GATAD2A: variants seen among roughly 807,000 people sequenced by gnomAD.
The protein encoded by GATAD2A is transcriptional repressor p66-alpha.
A neutral mutation model predicts 68.5 loss-of-function variants in GATAD2A; 12 were observed. The observed-to-expected ratio is 0.18, with a 90% confidence interval of 0.11 to 0.28. The LOEUF (loss-of-function observed/expected upper bound fraction) is 0.28, where lower values mean the gene tolerates loss of function less well. Among genes scored for constraint, GATAD2A ranks in the 10% least tolerant of loss-of-function variants. The pLI, the probability that GATAD2A is intolerant of heterozygous loss-of-function variation, is 1.00. For synonymous variants in GATAD2A, 410 were observed against 375.3 expected, an observed-to-expected ratio of 1.09 and a Z score of -1.07; for missense variants, 755 against 868.5, an observed-to-expected ratio of 0.87 and a Z score of 1.64.
intron 10 of GATAD2A, 133 bp downstream of exon 10, chr19:19,502,176 CCT>C (rs1312129167): frequency 1.6e-5 from 14 of 874,910 alleles, no homozygotes; most frequent in Non-Finnish European, 2.5e-5. Flanking sequence ...CTCCCCCACC[CCT>C]CTGTGTAACT....
chr19:19,396,006 A>C (rs1374677277), intron 1 of GATAD2A, among the ~76,000 whole-genome samples: 2 of 152,128 alleles, frequency 1.3e-5, no homozygotes, highest in Admixed American at 1.3e-4. Flanking sequence ...GTAGATGCCT[A>C]GTAAAGGTAG....
At position 19,502,595 on chromosome 19, in the gene GATAD2A, CAG is replaced by C. The variant is rs2060609909; in HGVS notation, c.1774+72_1774+73del. 6.4e-6 allele frequency: 8 copies of C among 1,244,890 alleles called. No individual in the cohort carries two copies. The East Asian group carries it at 1.9e-4, about 29-fold the overall frequency. 77.1% of individuals were successfully genotyped at this position (1,244,890 alleles called of 1,614,324 possible). A position where few individuals can be genotyped will look rare whatever the true frequency, so the allele number is the denominator to read the frequency against. On this transcript the variant is annotated intron_variant, in intron 11 of 11. Transcript: ENST00000683918. ...GGGGTTCACCCTTCCTTAACCGAAA[CAG>C]AGGCACATGTGCAGCGGGTGAACCC...
At chr19:19,436,105 GTT>G in intron 1 of GATAD2A, 1 of 1,277,090 alleles carries the variant, frequency 7.8e-7, no homozygotes. Flanking sequence ...GAAACACAGT[GTT>G]TCTTTCTCTG....
At chr19:19,442,730 T>C (rs1428127995) in intron 1 of GATAD2A, among the ~76,000 whole-genome samples, 2 of 149,624 alleles carry the variant, frequency 1.3e-5, no homozygotes, top group African/African-American at 4.9e-5. Context: ...AGCTCAGGAG[T>C]TGGAGTCTAG....
At chr19:19,463,220 C>A (rs889199418) in intron 1 of GATAD2A, among the ~76,000 whole-genome samples, 1 of 152,138 alleles carries the variant, frequency 6.6e-6, no homozygotes, top group African/African-American at 2.4e-5. Context: ...AAATGTCCCA[C>A]CCCTCCCACA....
rs768135799 is a variant in GATAD2A, at chr19:19,492,317, C to T, written c.281C>T (p.Ser94Phe). ...DMRTSHSDMK[S>F]ERRPPSPDVI... ...TCTCCACCCCACAGTGACATGAAGTCCGAGAGGAGACCCCCCTCACCTGAC... is the reference window on the plus strand; with the variant it reads ...TCTCCACCCCACAGTGACATGAAGTTCGAGAGGAGACCCCCCTCACCTGAC... Residue 94 changes from serine to phenylalanine, a missense_variant, in exon 3 of 12, where the codon TCC becomes TTC. Transcript: ENST00000683918. The T allele has an allele frequency of 1.2e-6, 2 of 1,603,436 alleles. No individual in the cohort carries two copies. Among genetic ancestry groups the T allele is most frequent in the South Asian group, 2.2e-5 (2 of 89,186 alleles).
At chr19:19,476,353 A>T (rs533715053) in intron 2 of GATAD2A, among the ~76,000 whole-genome samples, 7 of 152,274 alleles carry the variant, frequency 4.6e-5, no homozygotes, top group Middle Eastern at 3.4e-3. Flanking sequence ...TCCTCCCAGC[A>T]TGTATTCCTG....
chr19:19,498,024 C>T (rs1051997694), intron 7 of GATAD2A, among the ~76,000 whole-genome samples: 5 of 152,174 alleles, frequency 3.3e-5, no homozygotes, highest in African/African-American at 4.8e-5. Flanking sequence ...GGGGGTGCTG[C>T]GGTGAGCACC....
At chr19:19,465,715 G>A in intron 2 of GATAD2A, 101 bp downstream of exon 2, 2 of 1,381,240 alleles carry the variant, frequency 1.4e-6, no homozygotes, top group Non-Finnish European at 2.0e-6. Flanking sequence ...TAACAGCTTG[G>A]CGGGGTTGTG....
At position 19,491,952 on chromosome 19, in the gene GATAD2A, C is replaced by T. The variant is rs187014514; in HGVS notation, c.270-354C>T. Among the ~76,000 whole-genome samples the T allele has an allele frequency of 1.8e-4, 27 of 152,322 alleles. No individual in the cohort carries two copies. The East Asian group carries it at 3.7e-3, about 21-fold the overall frequency. On this transcript the variant is annotated intron_variant, in intron 2 of 11. Coordinates refer to ENST00000683918, the MANE Select transcript of GATAD2A (RefSeq NM_001384528.1). ...AACACTGAGCAGGGCCCCAGGATCCCGAGCCGAGTGTTTACCTGATCCGAG... is the reference window on the plus strand; with the variant it reads ...AACACTGAGCAGGGCCCCAGGATCCTGAGCCGAGTGTTTACCTGATCCGAG...
At position 19,506,027 on chromosome 19, in the gene GATAD2A, G is replaced by T; in HGVS notation, c.*553G>T. On this transcript the variant is annotated 3_prime_UTR_variant, in exon 12 of 12. Transcript: ENST00000683918. Reference sequence around the variant, plus strand: ...GATGGAGTTAAAAGTAAACCGTGCAGACCCTGGGGTCCCTGTTGTACGCTG... The same window carrying T: ...GATGGAGTTAAAAGTAAACCGTGCATACCCTGGGGTCCCTGTTGTACGCTG... The T allele has an allele frequency of 2.5e-6, 1 of 398,660 alleles. No homozygotes were observed. The highest frequency in any genetic ancestry group is 4.4e-6 in the Non-Finnish European group (1 of 226,058). The allele number at this position is 398,660 out of a possible 1,614,324, so 24.7% of individuals were successfully genotyped here.
At chr19:19,485,875 G>C (rs2059395182) in intron 2 of GATAD2A, among the ~76,000 whole-genome samples, 1 of 152,202 alleles carries the variant, frequency 6.6e-6, no homozygotes, top group Non-Finnish European at 1.5e-5. Flanking sequence ...TTGGCTTCCA[G>C]GGTCTGTTGC....
chr19:19,443,573 C>T (rs2055353680), intron 1 of GATAD2A, among the ~76,000 whole-genome samples: 1 of 152,056 alleles, frequency 6.6e-6, no homozygotes, highest in African/African-American at 2.4e-5. Flanking sequence ...GGATTTGCTT[C>T]GTGGAAGCTA....
At chr19:19,409,476 A>G (rs561172234) in intron 1 of GATAD2A, among the ~76,000 whole-genome samples, 1 of 152,232 alleles carries the variant, frequency 6.6e-6, no homozygotes, top group South Asian at 2.1e-4. Context: ...GGCATACAGA[A>G]CTATGCTGCC....
intron 1 of GATAD2A, among the ~76,000 whole-genome samples, chr19:19,420,095 C>G (rs1444595170): frequency 7.1e-6 from 1 of 141,210 alleles, no homozygotes; most frequent in Non-Finnish European, 1.5e-5. Context: ...ACTGCAACCT[C>G]TACTTCCCAG....
chr19:19,470,149 T>TTTA (rs1568315013), intron 2 of GATAD2A, among the ~76,000 whole-genome samples: 1 of 136,588 alleles, frequency 7.3e-6, no homozygotes. Context: ...CTTTATTTTT[T>TTTA]TTTTTGTTTT....
chr19:19,448,178 G>A (rs1026671769), intron 1 of GATAD2A, among the ~76,000 whole-genome samples: 1 of 152,382 alleles, frequency 6.6e-6, no homozygotes, highest in Non-Finnish European at 1.5e-5. Context: ...AGCCCTCACA[G>A]TGACGTCCTA....
At chr19:19,423,277 G>T (rs1899476416) in intron 1 of GATAD2A, among the ~76,000 whole-genome samples, 1 of 152,208 alleles carries the variant, frequency 6.6e-6, no homozygotes, top group African/African-American at 2.4e-5. Context: ...AAGTGCTGAG[G>T]TTACAGGCAT....
At chr19:19,463,889 C>T (rs1468851268) in intron 1 of GATAD2A, among the ~76,000 whole-genome samples, 1 of 152,222 alleles carries the variant, frequency 6.6e-6, no homozygotes, top group Non-Finnish European at 1.5e-5. Flanking sequence ...AAGCAGCTGT[C>T]TCTTTCTTTC....
Sources: gnomAD v4.1 joint callset for allele counts (sites outside exome capture counted in the v4.1 genomes callset) on GRCh38, gnomAD v4.1.1 for gene constraint, MANE v1.5 for transcripts, NCBI Gene and HGNC (gene_info 2026-07-23, HGNC 2026-07-21) for gene names.